EPB41L4A: variants seen among roughly 807,000 people sequenced by gnomAD.
The protein encoded by EPB41L4A is band 4.1-like protein 4A.
In EPB41L4A, 100 loss-of-function variants were observed where a neutral mutation model predicts 108.6. The observed-to-expected ratio is 0.92, with a 90% CI of 0.78 to 1.09. The LOEUF (loss-of-function observed/expected upper bound fraction) is 1.09, where lower values mean the gene tolerates loss of function less well. Ranked by LOEUF, EPB41L4A falls within the 50% of genes least tolerant of loss-of-function variation. The probability of loss-of-function intolerance (pLI) is 0.00; values close to 1 mark genes in which losing one functional copy is unlikely to be tolerated. For missense variants in EPB41L4A, 1,030 were observed against 842.7 expected (o/e 1.22, Z -2.75); for synonymous variants, 319 against 289.0 (o/e 1.10, Z -1.05).
At chr5:112,180,756 C>T (rs1761105387) in intron 18 of EPB41L4A, among the ~76,000 whole-genome samples, 1 of 150,428 alleles carries the variant, frequency 6.6e-6, no homozygotes, top group South Asian at 2.1e-4. Context: ...ATGTTAAGAA[C>T]ATGAAAATGC....
chr5:112,367,670 T>A (rs1423542655), intron 1 of EPB41L4A, among the ~76,000 whole-genome samples: 5 of 152,114 alleles, frequency 3.3e-5, no homozygotes, highest in Non-Finnish European at 1.5e-5. Context: ...AATTCACAAA[T>A]CCAACATGCT....
downstream of EPB41L4A, chr5:112,161,389 T>C: frequency 4.8e-6 from 2 of 419,334 alleles, no homozygotes; most frequent in South Asian, 3.6e-5. Context: ...CGTGAGAAAA[T>C]TTCTCTGAAA....
intron 1 of EPB41L4A, among the ~76,000 whole-genome samples, chr5:112,357,235 G>A (rs1448346255): frequency 2.0e-5 from 3 of 152,196 alleles, no homozygotes; most frequent in Non-Finnish European, 4.4e-5. Flanking sequence ...ATGGCTCCTA[G>A]CTTGCAACCA....
intron 18 of EPB41L4A, among the ~76,000 whole-genome samples, chr5:112,177,681 C>T (rs77642887): frequency 0.033 from 5,037 of 152,164 alleles, 312 homozygotes; most frequent in African/African-American, 0.11. Flanking sequence ...GACAATAGCA[C>T]AAAGCACAAG....
In EPB41L4A at chr5:112,259,942, G is replaced by A. The variant is rs550411328; in HGVS notation, c.680C>T (p.Pro227Leu). The change falls in exon 8 of 23, where the codon CCG (proline) becomes CTG (leucine). Residue 227 changes from proline to leucine, a missense_variant. Transcript: ENST00000261486. ...NKSEYFLGLT[P>L]VGVVVYKNKK... is the part of the protein sequence containing the mutation. ...ATTCTTGTACACAACAACACCAACCGGAGTTAATCCTAAGAAATACTCAGA... is the reference window on the plus strand; with the variant it reads ...ATTCTTGTACACAACAACACCAACCAGAGTTAATCCTAAGAAATACTCAGA... 38 of 1,613,742 alleles carry A rather than the reference G, an allele frequency of 2.4e-5. No homozygotes were observed. Among genetic ancestry groups the A allele is most frequent in the Admixed American group, 1.2e-4 (7 of 59,988 alleles).
chr5:112,171,385 T>C (rs1760572028), intron 18 of EPB41L4A, among the ~76,000 whole-genome samples: 1 of 152,194 alleles, frequency 6.6e-6, no homozygotes, highest in Non-Finnish European at 1.5e-5. Flanking sequence ...TCCAACATGA[T>C]CTGTGATTAC....
chr5:112,165,709 C>T (rs1232197357), intron 22 of EPB41L4A, among the ~76,000 whole-genome samples: 2 of 152,154 alleles, frequency 1.3e-5, no homozygotes, highest in African/African-American at 4.8e-5. Context: ...CTCTTACTTC[C>T]AAGGATGGTC....
intron 1 of EPB41L4A, among the ~76,000 whole-genome samples, chr5:112,413,966 T>C (rs1054311952): frequency 6.6e-5 from 10 of 152,142 alleles, no homozygotes; most frequent in Non-Finnish European, 7.4e-5. Context: ...AAGTTAAAAT[T>C]TGCTGGGTGC....
intron 1 of EPB41L4A, among the ~76,000 whole-genome samples, chr5:112,326,966 CT>C (rs2150647621): frequency 6.6e-6 from 1 of 152,286 alleles, no homozygotes; most frequent in East Asian, 1.9e-4. Context: ...AGACTTAACA[CT>C]TCAATTAACC....
intron 12 of EPB41L4A, among the ~76,000 whole-genome samples, chr5:112,218,392 G>A (rs994690561): frequency 1.3e-5 from 2 of 152,162 alleles, no homozygotes; most frequent in Non-Finnish European, 2.9e-5. Context: ...CCTGTGATAC[G>A]AGTTTGAGGG....
chr5:112,322,918 T>C (rs895953893), intron 1 of EPB41L4A, among the ~76,000 whole-genome samples: 4 of 149,538 alleles, frequency 2.7e-5, no homozygotes, highest in African/African-American at 9.8e-5. Flanking sequence ...ATAGGGCCTA[T>C]GAAAAAGACA....
intron 1 of EPB41L4A, among the ~76,000 whole-genome samples, chr5:112,418,043 C>G (rs929681510): frequency 2.7e-5 from 4 of 150,096 alleles, no homozygotes; most frequent in African/African-American, 1.0e-4. Context: ...TCTATCAGAG[C>G]GGGGGCGGGG....
downstream of EPB41L4A, chr5:112,161,605 A>C (rs201669130): frequency 2.5e-5 from 13 of 519,210 alleles, no homozygotes; most frequent in Admixed American, 2.5e-4. Flanking sequence ...TAGGAGCTGC[A>C]TAAGTAACAG....
At chr5:112,370,816 G>A (rs1759448463) in intron 1 of EPB41L4A, among the ~76,000 whole-genome samples, 1 of 152,200 alleles carries the variant, frequency 6.6e-6, no homozygotes, top group African/African-American at 2.4e-5. Flanking sequence ...TCAGGAGCCT[G>A]TAGTCCCAGC....
At chr5:112,395,133 A>G (rs1423629905) in intron 1 of EPB41L4A, among the ~76,000 whole-genome samples, 1 of 152,248 alleles carries the variant, frequency 6.6e-6, no homozygotes, top group Non-Finnish European at 1.5e-5. Flanking sequence ...CCCTAAAACC[A>G]TACGAACCCT....
intron 16 of EPB41L4A, 38 bp from the exon 17 acceptor site, chr5:112,194,683 C>T (rs77307930): frequency 2.1e-6 from 3 of 1,431,830 alleles, no homozygotes; most frequent in South Asian, 2.5e-5. Flanking sequence ...AAAAAACACA[C>T]ATTTATAACT....
At position 112,297,196 on chromosome 5, in the gene EPB41L4A, T is replaced by C. The variant is rs529575695; in HGVS notation, c.204+10190A>G. 1.1e-3 allele frequency among the ~76,000 whole-genome samples: 167 copies of C among 152,254 alleles called. No homozygotes were observed. In the Middle Eastern group the frequency reaches 0.02, roughly 19 times the overall value. On this transcript the variant is annotated intron_variant, in intron 2 of 22. Transcript: ENST00000261486. The stretch of plus-strand genomic sequence containing the variant: ...GATCAAATGGGAGTTATACTTTGAG[T>C]TCCTTAAGGAATCTCCACACTGTTT...
intron 12 of EPB41L4A, among the ~76,000 whole-genome samples, chr5:112,149,715 G>A (rs777124627): frequency 6.6e-6 from 1 of 152,126 alleles, no homozygotes; most frequent in Non-Finnish European, 1.5e-5. Flanking sequence ...AAAAATACTG[G>A]ATAAAATATT....
chr5:112,143,440 C>T (rs1323363358), exon 14 of EPB41L4A: 1 of 152,702 alleles, frequency 6.5e-6, no homozygotes, highest in Non-Finnish European at 1.5e-5. Context: ...CATGACAGTG[C>T]TTTTTCTAAT....
Sources: gnomAD v4.1 joint callset for allele counts (sites outside exome capture counted in the v4.1 genomes callset) on GRCh38, gnomAD v4.1.1 for gene constraint, MANE v1.5 for transcripts, NCBI Gene and HGNC (gene_info 2026-07-23, HGNC 2026-07-21) for gene names.